RBFOX1: variants seen among roughly 807,000 people sequenced by gnomAD.
RBFOX1 encodes the protein RNA binding fox-1 homolog 1.
A neutral mutation model predicts 57.7 loss-of-function variants in RBFOX1; 8 were observed. The ratio of observed to expected loss-of-function variants is 0.14; its 90% CI spans 0.08 to 0.25. The LOEUF is 0.25. Among genes scored for constraint, RBFOX1 ranks in the 10% least tolerant of loss-of-function variants. The pLI, the probability that RBFOX1 is intolerant of heterozygous loss-of-function variation, is 1.00. For missense variants in RBFOX1, 611 were observed against 548.5 expected, an observed-to-expected ratio of 1.11 and a Z score of -1.14; for synonymous variants, 326 against 222.4, an observed-to-expected ratio of 1.47 and a Z score of -4.15.
At chr16:7,040,204 A>G (rs1053844675) in intron 3 of RBFOX1, among the ~76,000 whole-genome samples, 3 of 151,906 alleles carry the variant, frequency 2.0e-5, no homozygotes, top group Non-Finnish European at 4.4e-5. Flanking sequence ...TATTTTTAGT[A>G]GAGACGGGGT....
intron 2 of RBFOX1, among the ~76,000 whole-genome samples, chr16:6,511,005 G>C (rs541753833): frequency 6.6e-6 from 1 of 152,192 alleles, no homozygotes; most frequent in Non-Finnish European, 1.5e-5. Flanking sequence ...GTCACGAGCT[G>C]TTAAATGATG....
intron 2 of RBFOX1, among the ~76,000 whole-genome samples, chr16:6,406,162 A>G (rs940321731): frequency 2.0e-5 from 3 of 152,196 alleles, no homozygotes; most frequent in Non-Finnish European, 2.9e-5. Flanking sequence ...GCAACACTCA[A>G]TCCTATGCTT....
chr16:7,362,747 T>C (rs1434896407), intron 4 of RBFOX1, among the ~76,000 whole-genome samples: 2 of 152,076 alleles, frequency 1.3e-5, no homozygotes, highest in Non-Finnish European at 2.9e-5. Context: ...ATGTTTTGGG[T>C]GTATGTTAGT....
chr16:6,494,316 T>A (rs982084607), intron 2 of RBFOX1, among the ~76,000 whole-genome samples: 23 of 152,182 alleles, frequency 1.5e-4, no homozygotes, highest in East Asian at 1.9e-4. Context: ...ACAGGTAAGG[T>A]ACTGAGCAGT....
At chr16:6,876,634 T>C (rs2061899880) in intron 3 of RBFOX1, among the ~76,000 whole-genome samples, 1 of 152,198 alleles carries the variant, frequency 6.6e-6, no homozygotes, top group South Asian at 2.1e-4. Flanking sequence ...ATCTATTTTT[T>C]TTTTCTAAGA....
intron 2 of RBFOX1, among the ~76,000 whole-genome samples, chr16:6,610,555 C>A (rs577283434): frequency 6.6e-6 from 1 of 152,222 alleles, no homozygotes; most frequent in South Asian, 2.1e-4. Flanking sequence ...CTCTCAAAAT[C>A]CTGGTCTCAC....
intron 3 of RBFOX1, among the ~76,000 whole-genome samples, chr16:6,916,972 C>G (rs2073330967): frequency 6.6e-6 from 1 of 152,142 alleles, no homozygotes; most frequent in Non-Finnish European, 1.5e-5. Context: ...GCCTCAGCCT[C>G]CCAAGTAGGT....
chr16:7,148,139 C>CA (rs1171304936), intron 4 of RBFOX1, among the ~76,000 whole-genome samples: 1 of 152,012 alleles, frequency 6.6e-6, no homozygotes, highest in Non-Finnish European at 1.5e-5. Flanking sequence ...GAAAACAAAG[C>CA]AAAAAATGCT....
At chr16:7,380,938 A>G in intron 4 of RBFOX1, among the ~76,000 whole-genome samples, 1 of 152,348 alleles carries the variant, frequency 6.6e-6, no homozygotes, top group South Asian at 2.1e-4. Flanking sequence ...AAATGGAGAG[A>G]AAGAACAGTA....
At chr16:7,479,944 C>G (rs1210845100) in intron 4 of RBFOX1, among the ~76,000 whole-genome samples, 1 of 152,094 alleles carries the variant, frequency 6.6e-6, no homozygotes, top group South Asian at 2.1e-4. Context: ...TATTAAATTC[C>G]TAGGAAAAGG....
intron 4 of RBFOX1, among the ~76,000 whole-genome samples, chr16:7,156,021 A>G (rs953691420): frequency 6.6e-6 from 1 of 151,914 alleles, no homozygotes; most frequent in Admixed American, 6.6e-5. Context: ...ACACTCACAC[A>G]TACACACACG....
chr16:7,609,381 C>G (rs572722968), intron 10 of RBFOX1, among the ~76,000 whole-genome samples: 2 of 152,102 alleles, frequency 1.3e-5, no homozygotes, highest in African/African-American at 2.4e-5. Flanking sequence ...CTTGTGCTTT[C>G]GTAGCCACAG....
At chr16:7,543,967 C>T (rs2083713324) in intron 5 of RBFOX1, among the ~76,000 whole-genome samples, 2 of 152,174 alleles carry the variant, frequency 1.3e-5, no homozygotes, top group African/African-American at 2.4e-5. Flanking sequence ...GACCCACCTG[C>T]CTTGGTTTCC....
At chr16:6,282,223 A>G (rs2076449372) in intron 1 of RBFOX1, among the ~76,000 whole-genome samples, 1 of 152,144 alleles carries the variant, frequency 6.6e-6, no homozygotes, top group Admixed American at 6.6e-5. Context: ...TCTGAGACAG[A>G]TGGACATGCT....
intron 1 of RBFOX1, among the ~76,000 whole-genome samples, chr16:5,420,106 C>T (rs1410942425): frequency 1.3e-5 from 2 of 152,158 alleles, no homozygotes; most frequent in Non-Finnish European, 2.9e-5. Context: ...GCTGCCAGGT[C>T]TGCAGTAATT....
chr16:6,520,158 A>G (rs1485582786), intron 2 of RBFOX1, among the ~76,000 whole-genome samples: 1 of 152,236 alleles, frequency 6.6e-6, no homozygotes, highest in African/African-American at 2.4e-5. Flanking sequence ...AACTTGGAGT[A>G]TGCAAACAAC....
chr16:5,422,795 A>T (rs1242617372), intron 1 of RBFOX1, among the ~76,000 whole-genome samples: 1 of 115,114 alleles, frequency 8.7e-6, no homozygotes, highest in Non-Finnish European at 1.8e-5. Context: ...AGGGAGTGGG[A>T]AGAAAGAGGA....
chr16:7,233,318 A>G (rs2093606693), intron 4 of RBFOX1, among the ~76,000 whole-genome samples: 1 of 152,096 alleles, frequency 6.6e-6, no homozygotes, highest in African/African-American at 2.4e-5. Context: ...TTTCTATTTA[A>G]AAGAATTATC....
chr16:6,543,256 G>A (rs189159771), intron 2 of RBFOX1, among the ~76,000 whole-genome samples: 2 of 152,128 alleles, frequency 1.3e-5, no homozygotes, highest in Admixed American at 6.5e-5. Flanking sequence ...CCATGCCACC[G>A]TTAGCTGTGA....
Sources: allele counts gnomAD v4.1 joint callset (sites outside exome capture counted in the v4.1 genomes callset), GRCh38; gene constraint gnomAD v4.1.1; transcripts MANE v1.5; gene names NCBI Gene and HGNC (gene_info 2026-07-23, HGNC 2026-07-21).